ZNF653: variants seen among roughly 807,000 people sequenced by gnomAD.
ZNF653 encodes the protein zinc finger protein 653.
ZNF653 carries 37 observed loss-of-function variants against 59.9 expected under a neutral mutation model. That is an observed-to-expected ratio of 0.62 (90% CI 0.48 to 0.81). ZNF653 has a LOEUF of 0.81. Ranked by LOEUF, ZNF653 falls within the 40% of genes least tolerant of loss-of-function variation. The probability of loss-of-function intolerance (pLI) is 0.00; values close to 1 mark genes in which losing one functional copy is unlikely to be tolerated. For synonymous variants in ZNF653, 435 were observed against 371.8 expected, an observed-to-expected ratio of 1.17 and a Z score of -1.96; for missense variants, 808 against 881.1, an observed-to-expected ratio of 0.92 and a Z score of 1.05.
At position 11,487,915 on chromosome 19, in the gene ZNF653, G is replaced by C; in HGVS notation, c.560-12C>G. On this transcript the variant is annotated splice_polypyrimidine_tract_variant and intron_variant, in intron 3 of 8. Transcript: ENST00000293771. This position sits in a 1 kb window ranked among gnomAD's most constrained non-coding sequence, Gnocchi z 5.1. ...CAGCCCATTGCCCACTGTGGGGACA[G>C]AAGAAAGGGAGTGGTTATGATAGCT... The C allele has an allele frequency of 6.4e-7, 1 of 1,558,208 alleles. No homozygotes were observed. The highest frequency in any genetic ancestry group is 8.7e-7 in the Non-Finnish European group (1 of 1,152,432).
At position 11,495,809 on chromosome 19, in the gene ZNF653, T is replaced by C; in HGVS notation, c.559+141A>G. 1 of 854,108 alleles carries C rather than the reference T, an allele frequency of 1.2e-6. No homozygotes were observed. The highest frequency in any genetic ancestry group is 1.8e-6 in the Non-Finnish European group (1 of 554,466). The allele number at this position is 854,108 out of a possible 1,614,324, so 52.9% of individuals were successfully genotyped here. A position where few individuals can be genotyped will look rare whatever the true frequency, so the allele number is the denominator to read the frequency against. On this transcript the variant is annotated intron_variant, in intron 3 of 8. Transcript: ENST00000293771. The surrounding 1 kb of genome is among the most constrained non-coding windows in gnomAD (Gnocchi z 4.9). ...GCCACGAAGGACTCAGCCTGGCCCATCGTGTCCCTGCTCTGCCCCAGTGCC... is the reference window on the plus strand; with the variant it reads ...GCCACGAAGGACTCAGCCTGGCCCACCGTGTCCCTGCTCTGCCCCAGTGCC...
Position 11,483,805 on chromosome 19 carries a change from C to T in ZNF653, c.1725G>A (p.Met575Ile). Residue 575 changes from methionine (M) to isoleucine (I), a missense_variant, in exon 9 of 9, where the codon ATG becomes ATA. Physicochemically the swap from Met to Ile is conservative, Grantham distance 10. Transcript: ENST00000293771. ...ACTGCACCTCCGCAGTGTGCTTCTTCATGTGCCAGTTGAGCGACGCGCGCT... is the reference window on the plus strand; with the variant it reads ...ACTGCACCTCCGCAGTGTGCTTCTTTATGTGCCAGTTGAGCGACGCGCGCT... ...CRQRASLNWHMKKHTAEVQYN... is the reference protein window; with the variant it reads ...CRQRASLNWHIKKHTAEVQYN... The T allele has an allele frequency of 6.2e-7, 1 of 1,612,112 alleles. No homozygotes were observed. Among genetic ancestry groups the T allele is most frequent in the Non-Finnish European group, 8.5e-7 (1 of 1,179,146 alleles).
At chr19:11,490,411 G>A (rs937451085) in intron 3 of ZNF653, among the ~76,000 whole-genome samples, 6 of 152,140 alleles carry the variant, frequency 3.9e-5, no homozygotes, top group Non-Finnish European at 5.9e-5. Flanking sequence ...TTTTGAGACA[G>A]AGCCTTGCTC....
intron 1 of ZNF653, among the ~76,000 whole-genome samples, chr19:11,502,437 T>C (rs1971656729): frequency 6.6e-6 from 1 of 152,186 alleles, no homozygotes; most frequent in Admixed American, 6.6e-5. Flanking sequence ...TGAACCTCCT[T>C]GGACTCATCA....
At chr19:11,494,773 G>A (rs765205577) in intron 3 of ZNF653, among the ~76,000 whole-genome samples, 1 of 152,204 alleles carries the variant, frequency 6.6e-6, no homozygotes, top group Non-Finnish European at 1.5e-5. Flanking sequence ...CCACACCCCA[G>A]CCTGACCCAT....
At chr19:11,505,217 C>A in intron 1 of ZNF653, 1 of 411,036 alleles carries the variant, frequency 2.4e-6, no homozygotes. Context: ...AGGATTGGGC[C>A]GCCAGAGTTC....
chr19:11,501,784 A>G (rs1971647150), intron 1 of ZNF653, among the ~76,000 whole-genome samples: 1 of 151,584 alleles, frequency 6.6e-6, no homozygotes, highest in South Asian at 2.1e-4. Context: ...GTCTAAAAGT[A>G]TCCCTTTAGT....
intron 6 of ZNF653, 123 bp from the exon 7 acceptor site, chr19:11,485,893 G>C: frequency 1.4e-6 from 1 of 724,178 alleles, no homozygotes. Flanking sequence ...AGGGAAGAGG[G>C]GTACCCTTGC....
chr19:11,486,528 C>T (rs1971467436), intron 6 of ZNF653, among the ~76,000 whole-genome samples: 2 of 152,234 alleles, frequency 1.3e-5, no homozygotes, highest in Admixed American at 1.3e-4. Flanking sequence ...AACCCTGGCT[C>T]CAGCTTGCAG....
In ZNF653 at chr19:11,496,029, G is replaced by A. The variant is rs370011903; in HGVS notation, c.480C>T (p.Cys160=). The part of the protein sequence containing the change: ...FGLYTTAVWQ[C]EAGHRYFQDL... ...CCTGGAAGTAGCGGTGGCCAGCTTC[G>A]CACTGCCACACGGCCGTGGTGTACA... is the stretch of plus-strand genomic sequence containing the variant. The change falls in exon 3 of 9, where the codon TGC becomes TGT. Residue 160 remains cysteine (C), a synonymous_variant. Coordinates refer to ENST00000293771, the MANE Select transcript of ZNF653 (RefSeq NM_138783.4). 54 of 1,614,030 alleles carry A rather than the reference G, an allele frequency of 3.3e-5. No homozygotes were observed. The highest frequency in any genetic ancestry group is 1.0e-4 in the Admixed American group (6 of 60,006).
chr19:11,492,331 C>T (rs1971537962), intron 3 of ZNF653, among the ~76,000 whole-genome samples: 1 of 152,156 alleles, frequency 6.6e-6, no homozygotes, highest in African/African-American at 2.4e-5. Flanking sequence ...GCGTGAGCCA[C>T]CACGCCCAGC....
In ZNF653 at chr19:11,505,595, C is replaced by G; in HGVS notation, c.192G>C (p.Glu64Asp). 6.6e-7 allele frequency: 1 copy of G among 1,508,238 alleles called. No homozygotes were observed. Among genetic ancestry groups the G allele is most frequent in the Non-Finnish European group, 8.8e-7 (1 of 1,136,096 alleles). The allele number at this position is 1,508,238 out of a possible 1,614,324, so 93.4% of individuals were successfully genotyped here. A position where few individuals can be genotyped will look rare whatever the true frequency, so the allele number is the denominator to read the frequency against. ...KYDVRRVYLG[E>D]AHGPWVDLRR... ...GCAGGTCCACCCAGGGCCCGTGCGC[C>G]TCGCCCAGGTACACGCGCCGCACGT... Residue 64 changes from glutamate (E) to aspartate (D), a missense_variant, in exon 1 of 9, where the codon GAG becomes GAC. Coordinates refer to ENST00000293771, the MANE Select transcript of ZNF653 (RefSeq NM_138783.4).
In ZNF653 at chr19:11,505,651, G is replaced by A. The variant is rs1367050399; in HGVS notation, c.136C>T (p.Arg46Trp). ...TTCTTCCGGGACTCGAGCCGTCGCC[G>A]GGCCCGGTCCGACTCCGTGAGTCGC... Reference protein sequence around the residue: ...RPRLTESDRARRRLESRKKYD... With the variant: ...RPRLTESDRAWRRLESRKKYD... The change falls in exon 1 of 9, where the codon CGG (arginine) becomes TGG (tryptophan). Residue 46 changes from arginine (R) to tryptophan (W), a missense_variant. Physicochemically the swap from Arg to Trp is moderately radical, Grantham distance 101. Transcript: ENST00000293771. 2.0e-6 allele frequency: 3 copies of A among 1,496,772 alleles called. No homozygotes were observed. Among genetic ancestry groups the A allele is most frequent in the Non-Finnish European group, 2.7e-6 (3 of 1,130,558 alleles). The allele number at this position is 1,496,772 out of a possible 1,614,324, so 92.7% of individuals were successfully genotyped here.
intron 1 of ZNF653, 195 bp downstream of exon 1, chr19:11,505,293 T>C: frequency 1.8e-6 from 1 of 549,948 alleles, no homozygotes; most frequent in Non-Finnish European, 3.0e-6. Context: ...GATTGGGCAG[T>C]CGGAACGATG....
chr19:11,496,129 A>G lies in ZNF653; in HGVS notation c.380T>C (p.Val127Ala). 1 of 1,613,898 alleles carries G rather than the reference A, an allele frequency of 6.2e-7. No homozygotes were observed. The highest frequency in any genetic ancestry group is 8.5e-7 in the Non-Finnish European group (1 of 1,179,974). The stretch of plus-strand genomic sequence containing the variant: ...GTGCTTGTGGTCCTCGTACCAGATC[A>G]CCACGTTCTTCAGGCAGTTCACGTT... ...RRNVNCLKNV[V>A]IWYEDHKHRC... Residue 127 changes from valine (V) to alanine (A), a missense_variant, in exon 3 of 9, where the codon GTG becomes GCG. Coordinates refer to ENST00000293771, the MANE Select transcript of ZNF653 (RefSeq NM_138783.4).
Position 11,492,534 on chromosome 19 carries a change from A to G in ZNF653, c.559+3416T>C, listed in dbSNP as rs145119627. Among the ~76,000 whole-genome samples, 7 of 151,858 alleles carry G rather than the reference A, an allele frequency of 4.6e-5. No homozygotes were observed. The East Asian group carries it at 1.4e-3, about 30-fold the overall frequency. On this transcript the variant is annotated intron_variant, in intron 3 of 8. Transcript: ENST00000293771. ...TAACTTTTTCATTTTTTTGCTAGAG[A>G]TGGGGTCTCACTATGTTGCCCAGGC...
At chr19:11,488,093 T>G (rs1350853262) in intron 3 of ZNF653, among the ~76,000 whole-genome samples, 190 bp from the exon 4 acceptor site, 1 of 151,710 alleles carries the variant, frequency 6.6e-6, no homozygotes, top group African/African-American at 2.4e-5. Flanking sequence ...GTTCCAGTGA[T>G]TCTCCTGCCT....
rs199503238 is a variant in ZNF653, at chr19:11,483,749, C to G, written c.1781G>C (p.Arg594Pro). The G allele has an allele frequency of 1.9e-6, 3 of 1,613,686 alleles. No individual in the cohort carries two copies. The highest frequency in any genetic ancestry group is 1.7e-6 in the Non-Finnish European group (2 of 1,179,686). The part of the protein sequence containing the change: ...YNFTCDRCGK[R>P]FEKLDSVKFH... Reference sequence around the variant, plus strand: ...CTTGACGCTGTCCAGCTTCTCGAAGCGCTTCCCGCAGCGATCGCACGTGAA... The same window carrying G: ...CTTGACGCTGTCCAGCTTCTCGAAGGGCTTCCCGCAGCGATCGCACGTGAA... The change falls in exon 9 of 9, where the codon CGC (arginine) becomes CCC (proline). Residue 594 changes from arginine (R) to proline (P), a missense_variant. Arg to Pro is a moderately radical substitution (Grantham distance 103). Coordinates refer to ENST00000293771, the MANE Select transcript of ZNF653 (RefSeq NM_138783.4).
rs959484168 is a variant in ZNF653, at chr19:11,485,949, T to C, written c.1456-179A>G. Among the ~76,000 whole-genome samples, 3 of 151,740 alleles carry C rather than the reference T, an allele frequency of 2.0e-5. No individual in the cohort carries two copies. In the East Asian group the frequency reaches 5.8e-4, roughly 29 times the overall value. ...GGCACAACTGGGGTCAAAGGGTAGC[T>C]TTATTTTTTTTATTTTTTGAGATGG... On this transcript the variant is annotated intron_variant, in intron 6 of 8. Transcript: ENST00000293771.
Sources: allele counts gnomAD v4.1 joint callset (sites outside exome capture counted in the v4.1 genomes callset), GRCh38; gene constraint gnomAD v4.1.1; non-coding constraint Gnocchi (gnomAD v3.1); transcripts MANE v1.5; gene names NCBI Gene and HGNC (gene_info 2026-07-23, HGNC 2026-07-21).